Variants in UGT1A8 observed in about 807,000 individuals in gnomAD.
The protein encoded by UGT1A8 is UDP glucuronosyltransferase family 1 member A8.
In UGT1A8, 39 loss-of-function variants were observed where a neutral mutation model predicts 45.3. That is an observed-to-expected ratio of 0.86 (90% confidence interval 0.67 to 1.12). UGT1A8 has a LOEUF of 1.12. Ranked by LOEUF, UGT1A8 falls within the 50% of genes most tolerant of loss-of-function variation. The pLI is 0.00. For missense variants in UGT1A8, 719 were observed against 664.9 expected, an observed-to-expected ratio of 1.08 and a Z score of -0.90; for synonymous variants, 275 against 249.2, an observed-to-expected ratio of 1.10 and a Z score of -0.97.
intron 1 of UGT1A8, among the ~76,000 whole-genome samples, chr2:233,715,966 CTGAT>C (rs1167313224): frequency 2.0e-5 from 3 of 152,178 alleles, no homozygotes; most frequent in African/African-American, 7.2e-5. Flanking sequence ...GACTGATTGA[CTGAT>C]TGATTGATTT....
At chr2:233,647,771 C>T (rs1457824882) in intron 1 of UGT1A8, among the ~76,000 whole-genome samples, 1 of 152,156 alleles carries the variant, frequency 6.6e-6, no homozygotes, top group Non-Finnish European at 1.5e-5. Context: ...TATCTTCTGT[C>T]TTTTTTCCTA....
At chr2:233,754,970 G>T (rs1695665422) in intron 1 of UGT1A8, 1 of 1,301,498 alleles carries the variant, frequency 7.7e-7, no homozygotes, top group Non-Finnish European at 1.0e-6. Context: ...AGAACTCCCT[G>T]AAGACCTCGG....
At chr2:233,729,023 T>C (rs2125738984) in intron 1 of UGT1A8, 1 of 1,595,674 alleles carries the variant, frequency 6.3e-7, no homozygotes, top group Non-Finnish European at 8.5e-7. Context: ...CAATTACACG[T>C]TGATTTGCTA....
chr2:233,682,502 T>C lies in UGT1A8; in HGVS notation c.855+63940T>C, dbSNP rs773379672. On this transcript the variant is annotated intron_variant, in intron 1 of 4. Transcript: ENST00000373450. Reference sequence around the variant, plus strand: ...TGCACAGTGCCCTGCTCCTCTTTCCTATGTCCCCAGACTTCTCTTAGGGTT... The same window carrying C: ...TGCACAGTGCCCTGCTCCTCTTTCCCATGTCCCCAGACTTCTCTTAGGGTT... 2.2e-5 allele frequency: 35 copies of C among 1,613,870 alleles called. No individual in the cohort carries two copies. Among genetic ancestry groups the C allele is most frequent in the Non-Finnish European group, 2.9e-5 (34 of 1,179,872 alleles).
chr2:233,749,706 G>A (rs1034716164), intron 1 of UGT1A8, among the ~76,000 whole-genome samples: 7 of 151,828 alleles, frequency 4.6e-5, no homozygotes, highest in Non-Finnish European at 8.8e-5. Context: ...GAGGTGATTG[G>A]ATCATGGGGG....
At chr2:233,652,392 T>A (rs2073762741) in intron 1 of UGT1A8, among the ~76,000 whole-genome samples, 1 of 152,260 alleles carries the variant, frequency 6.6e-6, no homozygotes, top group African/African-American at 2.4e-5. Flanking sequence ...GTATCTGCTC[T>A]TTTGTTCTTT....
chr2:233,628,200 T>G (rs753237076), intron 1 of UGT1A8, among the ~76,000 whole-genome samples: 3 of 152,108 alleles, frequency 2.0e-5, no homozygotes, highest in Non-Finnish European at 2.9e-5. Context: ...AATAAATTTT[T>G]TATTGATTTG....
intron 1 of UGT1A8, among the ~76,000 whole-genome samples, chr2:233,694,400 T>C (rs557019872): frequency 6.6e-6 from 1 of 152,256 alleles, no homozygotes; most frequent in Non-Finnish European, 1.5e-5. Context: ...ATGAAGAATA[T>C]GTGCCACAGA....
At chr2:233,667,304 G>C (rs1333354570) in intron 1 of UGT1A8, among the ~76,000 whole-genome samples, 3 of 152,132 alleles carry the variant, frequency 2.0e-5, no homozygotes, top group African/African-American at 7.2e-5. Flanking sequence ...TTTAATAAAT[G>C]GTGCTGGGAA....
chr2:233,766,442 C>CT (rs982093013), intron 1 of UGT1A8, among the ~76,000 whole-genome samples: 2 of 152,206 alleles, frequency 1.3e-5, no homozygotes, highest in African/African-American at 4.8e-5. Flanking sequence ...ACCTGTGTGT[C>CT]TGCCTGCTAG....
At position 233,680,264 on chromosome 2, in the gene UGT1A8, A is replaced by C. The variant is rs28970017; in HGVS notation, c.855+61702A>C. Among the ~76,000 whole-genome samples the C allele has an allele frequency of 1.2e-3, 190 of 152,334 alleles. 1 individual carries two copies. In the East Asian group the frequency reaches 0.017, roughly 13 times the overall value. On this transcript the variant is annotated intron_variant, in intron 1 of 4. Coordinates refer to ENST00000373450, the MANE Select transcript of UGT1A8 (RefSeq NM_019076.5). ...AAAATTACACTAAACATGATGAAAA[A>C]TACAGTAGAACCATAAGAGATCATT... is the stretch of plus-strand genomic sequence containing the variant.
chr2:233,619,031 A>G (rs2072952236), intron 1 of UGT1A8, among the ~76,000 whole-genome samples: 1 of 152,172 alleles, frequency 6.6e-6, no homozygotes. Flanking sequence ...ACAGCAAGAA[A>G]TGAAACTCCC....
At chr2:233,737,982 G>T (rs1690650423) in intron 1 of UGT1A8, among the ~76,000 whole-genome samples, 2 of 151,994 alleles carry the variant, frequency 1.3e-5, no homozygotes, top group South Asian at 4.2e-4. Flanking sequence ...AATATGGTTT[G>T]GCTCTGTGTC....
chr2:233,767,688 C>T (rs1214650284), intron 2 of UGT1A8, among the ~76,000 whole-genome samples, 161 bp from the exon 3 acceptor site: 2 of 152,144 alleles, frequency 1.3e-5, no homozygotes, highest in Non-Finnish European at 2.9e-5. Context: ...AACAAGATGC[C>T]GGAAGTTGCC....
intron 1 of UGT1A8, among the ~76,000 whole-genome samples, chr2:233,740,081 G>A (rs375117222): frequency 1.3e-5 from 2 of 151,740 alleles, no homozygotes; most frequent in African/African-American, 2.4e-5. Flanking sequence ...TCTGTCTCTC[G>A]CCTGCTGCCA....
chr2:233,658,878 G>A (rs2073909193), intron 1 of UGT1A8, among the ~76,000 whole-genome samples: 1 of 152,138 alleles, frequency 6.6e-6, no homozygotes, highest in Admixed American at 6.6e-5. Context: ...CTTGAAATGA[G>A]TAGTATTAGC....
intron 1 of UGT1A8, among the ~76,000 whole-genome samples, chr2:233,764,782 C>A (rs1260988013): frequency 6.6e-6 from 1 of 152,064 alleles, no homozygotes; most frequent in Non-Finnish European, 1.5e-5. Flanking sequence ...TCAGAAAAAC[C>A]ATCCTCAGGG....
chr2:233,645,120 A>G (rs945208841), intron 1 of UGT1A8, among the ~76,000 whole-genome samples: 1 of 152,168 alleles, frequency 6.6e-6, no homozygotes, highest in African/African-American at 2.4e-5. Context: ...CTGGCAATGC[A>G]TTTTCTGCCT....
rs2126030462 is a variant in UGT1A8 at position 233,767,128 on chromosome 2, T to C, written c.950T>C (p.Met317Thr). The change falls in exon 2 of 5, where the codon ATG (methionine) becomes ACG (threonine). Residue 317 changes from methionine to threonine, a missense_variant. Transcript: ENST00000373450. Reference protein sequence around the residue: ...MVSEIPEKKAMAIADALGKIP... With the variant: ...MVSEIPEKKATAIADALGKIP... ...TCAGAAATTCCAGAGAAGAAAGCTA[T>C]GGCAATTGCTGATGCTTTGGGCAAA... 1 of 1,614,150 alleles carries C rather than the reference T, an allele frequency of 6.2e-7. No individual in the cohort carries two copies. The highest frequency in any genetic ancestry group is 1.3e-5 in the African/African-American group (1 of 75,052).
Sources: allele counts gnomAD v4.1 joint callset (sites outside exome capture counted in the v4.1 genomes callset), GRCh38; gene constraint gnomAD v4.1.1; transcripts MANE v1.5; gene names NCBI Gene and HGNC (gene_info 2026-07-23, HGNC 2026-07-21).